Variants in NAV2 observed in about 807,000 individuals in gnomAD.
The protein encoded by NAV2 is helicase, APC down-regulated 1.
Under a neutral mutation model 223.2 loss-of-function variants are expected in NAV2, and 54 were observed. The observed-to-expected ratio is 0.24, with a 90% CI of 0.19 to 0.30. NAV2 has a LOEUF of 0.30. Ranked by LOEUF, NAV2 falls within the 10% of genes least tolerant of loss-of-function variation. NAV2 has a pLI of 1.00. For synonymous variants in NAV2, 1,279 were observed against 1,239.3 expected, an observed-to-expected ratio of 1.03 and a Z score of -0.67; for missense variants, 2,806 against 3,147.5, an observed-to-expected ratio of 0.89 and a Z score of 2.60.
At position 19,713,393 on chromosome 11, in the gene NAV2, C is replaced by G; in HGVS notation, c.-303C>G. The stretch of plus-strand genomic sequence containing the variant: ...GAGGAAATTTGCAAGAGGCGGCAGC[C>G]CCTGAGCGCCCAGAGCTCTTGAAAG... On this transcript the variant is annotated 5_prime_UTR_variant, in exon 1 of 38. Coordinates refer to ENST00000349880, the MANE Select transcript of NAV2 (RefSeq NM_145117.5). The surrounding 1 kb of genome is among the most constrained non-coding windows in gnomAD (Gnocchi z 7.2). 8.3e-7 allele frequency: 1 copy of G among 1,203,626 alleles called. No individual in the cohort carries two copies. The highest frequency in any genetic ancestry group is 1.0e-6 in the Non-Finnish European group (1 of 970,894). The allele number at this position is 1,203,626 out of a possible 1,614,324, so 74.6% of individuals were successfully genotyped here.
chr11:19,865,168 G>A (rs2062018410), intron 3 of NAV2, among the ~76,000 whole-genome samples: 1 of 152,056 alleles, frequency 6.6e-6, no homozygotes. Flanking sequence ...CTTTCACTCT[G>A]CCTCCCAACT....
chr11:20,079,966 G>C, intron 24 of NAV2, 98 bp from the exon 25 acceptor site: 2 of 1,382,484 alleles, frequency 1.4e-6, no homozygotes, highest in Non-Finnish European at 2.0e-6. Context: ...ACACCCAGTA[G>C]TCCTCAGGTG....
chr11:20,025,609 C>T (rs1007301077), intron 11 of NAV2, among the ~76,000 whole-genome samples: 1 of 152,210 alleles, frequency 6.6e-6, no homozygotes, highest in African/African-American at 2.4e-5. Flanking sequence ...ACTCAGGGGA[C>T]CACCTACTTG....
At chr11:19,948,132 C>A (rs577407019) in intron 9 of NAV2, among the ~76,000 whole-genome samples, 2 of 151,894 alleles carry the variant, frequency 1.3e-5, no homozygotes, top group Non-Finnish European at 2.9e-5. Context: ...TGTCGGCAGG[C>A]TGGAGTGCAG....
chr11:19,364,337 G>A (rs546458349), intron 1 of NAV2, among the ~76,000 whole-genome samples: 17 of 152,296 alleles, frequency 1.1e-4, no homozygotes, highest in African/African-American at 3.4e-4. Flanking sequence ...CACAGAAGCC[G>A]TAGCTGGTTC....
intron 1 of NAV2, among the ~76,000 whole-genome samples, chr11:19,547,697 C>T (rs770032091): frequency 1.3e-5 from 2 of 152,120 alleles, no homozygotes; most frequent in South Asian, 2.1e-4. Flanking sequence ...ACAAGTAGGA[C>T]CCCCTCTCTT....
upstream of NAV2, among the ~76,000 whole-genome samples, chr11:19,708,585 G>T (rs775037215): frequency 6.6e-6 from 1 of 152,110 alleles, no homozygotes; most frequent in Non-Finnish European, 1.5e-5. Flanking sequence ...GATGGAACTG[G>T]TCACTCACAG....
At chr11:19,455,014 A>T (rs1302359934) in intron 1 of NAV2, among the ~76,000 whole-genome samples, 1 of 152,206 alleles carries the variant, frequency 6.6e-6, no homozygotes, top group African/African-American at 2.4e-5. Context: ...AGATTTACTG[A>T]ATCACAGACT....
At chr11:19,544,006 T>C (rs1056311017) in intron 1 of NAV2, among the ~76,000 whole-genome samples, 1 of 152,248 alleles carries the variant, frequency 6.6e-6, no homozygotes, top group Non-Finnish European at 1.5e-5. Context: ...CTTGTGAATA[T>C]ATACTTACTA....
At chr11:19,768,734 A>T (rs2055447449) in intron 1 of NAV2, among the ~76,000 whole-genome samples, 1 of 152,224 alleles carries the variant, frequency 6.6e-6, no homozygotes, top group African/African-American at 2.4e-5. Context: ...AATTCCAGCC[A>T]CACTATTTAT....
chr11:19,603,488 A>G (rs2046400407), intron 1 of NAV2, among the ~76,000 whole-genome samples: 1 of 151,980 alleles, frequency 6.6e-6, no homozygotes, highest in South Asian at 2.1e-4. Flanking sequence ...TTACCCTGGC[A>G]TGGTGGCATG....
intron 11 of NAV2, among the ~76,000 whole-genome samples, chr11:20,020,512 A>G (rs905577357): frequency 2.0e-5 from 3 of 152,162 alleles, no homozygotes; most frequent in Non-Finnish European, 4.4e-5. Flanking sequence ...ACTAATTATT[A>G]TCTTTCAAAC....
chr11:20,002,218 T>C (rs1343688625), intron 11 of NAV2, among the ~76,000 whole-genome samples: 6 of 152,026 alleles, frequency 3.9e-5, no homozygotes, highest in African/African-American at 1.4e-4. Flanking sequence ...CACTATCGCA[T>C]TGGGGGTTAG....
At chr11:19,872,123 G>A (rs2062552292) in intron 4 of NAV2, among the ~76,000 whole-genome samples, 3 of 150,956 alleles carry the variant, frequency 2.0e-5, no homozygotes, top group African/African-American at 7.4e-5. Flanking sequence ...AAAAAGCAAG[G>A]GTACTTACAG....
intron 11 of NAV2, among the ~76,000 whole-genome samples, chr11:20,016,000 C>A (rs7947708): frequency 0.96 from 146,246 of 152,328 alleles, 70,508 homozygotes; most frequent in East Asian, 1. Flanking sequence ...TGACTACGAG[C>A]AAATCATCTA....
At chr11:19,940,953 A>G (rs2153327425) in intron 8 of NAV2, among the ~76,000 whole-genome samples, 1 of 152,324 alleles carries the variant, frequency 6.6e-6, no homozygotes, top group South Asian at 2.1e-4. Context: ...TGTGGAGTTC[A>G]GATGGCTGCT....
intron 5 of NAV2, among the ~76,000 whole-genome samples, chr11:19,885,741 C>A (rs890375731): frequency 9.2e-5 from 14 of 152,236 alleles, no homozygotes; most frequent in African/African-American, 3.4e-4. Context: ...GCAGAGATAT[C>A]CAAGTGAAGT....
intron 1 of NAV2, among the ~76,000 whole-genome samples, chr11:19,417,670 CAATAGCAAAGACTTGGA>C (rs1331232253): frequency 5.9e-5 from 9 of 152,154 alleles, no homozygotes; most frequent in East Asian, 1.9e-4. Context: ...GCACTATTCA[CAATAGCAAAGACTTGGA>C]AATAGCAAAG....
chr11:19,558,110 AACTT>A (rs2044964816), intron 1 of NAV2, among the ~76,000 whole-genome samples: 2 of 152,218 alleles, frequency 1.3e-5, no homozygotes, highest in Non-Finnish European at 2.9e-5. Flanking sequence ...TTTATTAGAT[AACTT>A]ACTTAAGTTT....
Sources: gnomAD v4.1 joint callset for allele counts (sites outside exome capture counted in the v4.1 genomes callset) on GRCh38, gnomAD v4.1.1 for gene constraint, Gnocchi (gnomAD v3.1) non-coding constraint, MANE v1.5 for transcripts, NCBI Gene and HGNC (gene_info 2026-07-23, HGNC 2026-07-21) for gene names.